Variants in WHAMM observed in about 807,000 individuals in gnomAD.
WHAMM encodes WASP homolog associated with actin, golgi membranes and microtubules.
WHAMM carries 67 observed loss-of-function variants against 76.5 expected under a neutral mutation model. The ratio of observed to expected loss-of-function variants is 0.88; its 90% CI spans 0.72 to 1.07. The LOEUF (loss-of-function observed/expected upper bound fraction) is 1.07. Among genes scored for constraint, WHAMM ranks in the 50% least tolerant of loss-of-function variants. The pLI, the probability that WHAMM is intolerant of heterozygous loss-of-function variation, is 0.00. For synonymous variants in WHAMM, 419 were observed against 422.1 expected, an observed-to-expected ratio of 0.99 and a Z score of 0.09; for missense variants, 1,021 against 1,051.1, an observed-to-expected ratio of 0.97 and a Z score of 0.40.
At position 82,834,660 on chromosome 15, in the gene WHAMM, GTTATT is replaced by G. The variant is rs969843684; in HGVS notation, c.*1128_*1132del. ...CAGAATAAATTGCTTATATTCAGGA[GTTATT>G]TTAAATATTTAAATGAAATTTATTT... On this transcript the variant is annotated 3_prime_UTR_variant, in exon 10 of 10. Coordinates refer to ENST00000286760, the MANE Select transcript of WHAMM (RefSeq NM_001080435.3). 4 of 152,630 alleles carry G rather than the reference GTTATT, an allele frequency of 2.6e-5. No homozygotes were observed. The highest frequency in any genetic ancestry group is 5.9e-5 in the Non-Finnish European group (4 of 68,046). 9.5% of individuals were successfully genotyped at this position (152,630 alleles called of 1,614,324 possible).
Position 82,833,487 on chromosome 15 carries a change from A to C in WHAMM, c.2381A>C (p.Asp794Ala). Residue 794 changes from aspartate to alanine, a missense_variant, in exon 10 of 10, where the codon GAC becomes GCC. Transcript: ENST00000286760. ...ALQRIKRVSA[D>A]SEEDSDEQDP... is the part of the protein sequence containing the mutation. ...CAGAGAATCAAGAGGGTGTCTGCTG[A>C]CTCTGAGGAGGACAGTGATGAGCAG... 6.2e-7 allele frequency: 1 copy of C among 1,613,954 alleles called. No homozygotes were observed. Among genetic ancestry groups the C allele is most frequent in the Non-Finnish European group, 8.5e-7 (1 of 1,179,890 alleles).
rs1019995981 is a variant in WHAMM, at chr15:82,833,646, C to A, written c.*110C>A. On this transcript the variant is annotated 3_prime_UTR_variant, in exon 10 of 10. Coordinates refer to ENST00000286760, the MANE Select transcript of WHAMM (RefSeq NM_001080435.3). ...GTGCTGATAGATGGGCCACATAACA[C>A]CCCGGAAGATCAGCAGGGCCTTGTG... 20 of 1,210,770 alleles carry A rather than the reference C, an allele frequency of 1.7e-5. No individual in the cohort carries two copies. The Admixed American group carries it at 3.8e-4, about 23-fold the overall frequency. The allele number at this position is 1,210,770 out of a possible 1,614,324, so 75.0% of individuals were successfully genotyped here.
chr15:82,822,837 T>C lies in WHAMM; in HGVS notation c.1271-263T>C, dbSNP rs561862668. Among the ~76,000 whole-genome samples the C allele has an allele frequency of 4.0e-3, 601 of 151,862 alleles. 2 individuals are homozygous for C. Among genetic ancestry groups the C allele is most frequent in the African/African-American group, 8.9e-3 (368 of 41,426 alleles). ...GTGTGTGTGTGTGTATATATATATA[T>C]ACACACATATGTCTATATACATGTA... On this transcript the variant is annotated intron_variant, in intron 5 of 9. Coordinates refer to ENST00000286760, the MANE Select transcript of WHAMM (RefSeq NM_001080435.3).
chr15:82,817,593 G>A (rs1354523742), intron 3 of WHAMM, among the ~76,000 whole-genome samples: 1 of 152,114 alleles, frequency 6.6e-6, no homozygotes, highest in African/African-American at 2.4e-5. Flanking sequence ...GCAGAATGAT[G>A]ATCCTGGTTT....
chr15:82,813,307 G>C (rs1202759327), intron 2 of WHAMM, 31 bp downstream of exon 2: 10 of 1,442,504 alleles, frequency 6.9e-6, no homozygotes, highest in African/African-American at 4.4e-5. Flanking sequence ...TACTTTATCA[G>C]ATTTACTATT....
At chr15:82,819,718 G>A (rs1005896541) in intron 5 of WHAMM, among the ~76,000 whole-genome samples, 1 of 152,220 alleles carries the variant, frequency 6.6e-6, no homozygotes, top group Admixed American at 6.5e-5. Flanking sequence ...GGTTGGCTGG[G>A]CACAGTGGCT....
Position 82,826,753 on chromosome 15 carries a change from A to C in WHAMM, c.1548A>C (p.Lys516Asn). ...AATATACATTTGTTTAAATATAGAA[A>C]AGAGACAAGATAAAAGAAGAGGAGC... ...YSRQHHSIQM[K>N]RDKIKEEEQK... is the part of the protein sequence containing the mutation. Residue 516 changes from lysine to asparagine, a missense_variant and splice_region_variant, in exon 8 of 10, where the codon AAA becomes AAC. Lys to Asn is a moderately conservative substitution (Grantham distance 94). This residue lies in a region of WHAMM where 509 missense variants were observed against 492.3 expected (regional missense o/e 1.03). Coordinates refer to ENST00000286760, the MANE Select transcript of WHAMM (RefSeq NM_001080435.3). 6.5e-7 allele frequency: 1 copy of C among 1,542,328 alleles called. No homozygotes were observed. The highest frequency in any genetic ancestry group is 8.7e-7 in the Non-Finnish European group (1 of 1,144,978).
intron 4 of WHAMM, 22 bp from the exon 5 acceptor site, chr15:82,819,301 T>G: frequency 1.0e-6 from 1 of 960,582 alleles, no homozygotes; most frequent in Non-Finnish European, 1.4e-6. Context: ...TAACTTATTT[T>G]TCTTTTTTCT....
At chr15:82,815,011 C>T (rs1270522145) in intron 2 of WHAMM, among the ~76,000 whole-genome samples, 1 of 148,146 alleles carries the variant, frequency 6.8e-6, no homozygotes, top group Admixed American at 6.7e-5. Context: ...ACCTCGTGAT[C>T]CGCCCGTCTC....
chr15:82,830,602 C>T lies in WHAMM; in HGVS notation c.1645C>T (p.Arg549Cys), dbSNP rs142422388. The T allele has an allele frequency of 1.1e-3, 1,722 of 1,606,166 alleles. 1 individual carries two copies. The highest frequency in any genetic ancestry group is 1.6e-3 in the South Asian group (149 of 90,972). Residue 549 changes from arginine (R) to cysteine (C), a missense_variant, in exon 9 of 10, where the codon CGC becomes TGC. Coordinates refer to ENST00000286760, the MANE Select transcript of WHAMM (RefSeq NM_001080435.3). ...CACCATGGTTTTTCATTTTCAGAAA[C>T]GCCTAGCTCAATCTGTCCGAAACAC... is the stretch of plus-strand genomic sequence containing the variant. ...LQRLRSFKDK[R>C]LAQSVRNTSG...
At chr15:82,823,698 T>A (rs1441797426) in intron 6 of WHAMM, among the ~76,000 whole-genome samples, 1 of 152,188 alleles carries the variant, frequency 6.6e-6, no homozygotes, top group African/African-American at 2.4e-5. Context: ...GCCAAGTAGC[T>A]GGGTTTACAG....
chr15:82,818,129 C>G (rs2151562062), intron 4 of WHAMM, 40 bp downstream of exon 4: 2 of 1,508,126 alleles, frequency 1.3e-6, no homozygotes, highest in East Asian at 5.0e-5. Context: ...TAAAAATACA[C>G]TTTTATTTTT....
At chr15:82,832,336 T>C (rs2051044186) in intron 9 of WHAMM, among the ~76,000 whole-genome samples, 1 of 152,206 alleles carries the variant, frequency 6.6e-6, no homozygotes, top group Non-Finnish European at 1.5e-5. Context: ...AAAATAGCCT[T>C]TTGTTAGCCA....
chr15:82,817,077 T>TG (rs773617423), intron 3 of WHAMM, among the ~76,000 whole-genome samples: 13 of 152,152 alleles, frequency 8.5e-5, no homozygotes, highest in Non-Finnish European at 1.3e-4. Context: ...AAGAGAGACA[T>TG]GGGCTCTGAG....
rs12903359 is a variant in WHAMM, at chr15:82,834,035, A to G, written c.*499A>G. 75,946 of 152,140 alleles carry G rather than the reference A, an allele frequency of 0.5. 19,669 individuals are homozygous for G. Among genetic ancestry groups the G allele is most frequent in the Non-Finnish European group, 0.57 (38,980 of 68,906 alleles). The allele number at this position is 152,140 out of a possible 1,614,324, so 9.4% of individuals were successfully genotyped here. A position where few individuals can be genotyped will look rare whatever the true frequency, so the allele number is the denominator to read the frequency against. On this transcript the variant is annotated 3_prime_UTR_variant, in exon 10 of 10. Transcript: ENST00000286760. ...ATTACAGGTGTGAGCCACCACGCCC[A>G]GCCTTTTTTTTTTCTTTCTTTTGAG...
In WHAMM at chr15:82,833,565, A is replaced by G; in HGVS notation, c.*29A>G. On this transcript the variant is annotated 3_prime_UTR_variant, in exon 10 of 10. Coordinates refer to ENST00000286760, the MANE Select transcript of WHAMM (RefSeq NM_001080435.3). ...CAAGTTTGACAAAGGCACCTGCCAC[A>G]GTAGGCTTGAATAAAGTGGGTGAGT... The G allele has an allele frequency of 6.2e-7, 1 of 1,606,438 alleles. No homozygotes were observed. Among genetic ancestry groups the G allele is most frequent in the Non-Finnish European group, 8.5e-7 (1 of 1,177,070 alleles).
chr15:82,833,795 A>T lies in WHAMM; in HGVS notation c.*259A>T. On this transcript the variant is annotated 3_prime_UTR_variant, in exon 10 of 10. Transcript: ENST00000286760. ...AGCTCCGCTTCCCAGGCTGGGGTGC[A>T]GTGGTGCGATCTTGGCTCACTGCAA... is the stretch of plus-strand genomic sequence containing the variant. The T allele has an allele frequency of 4.5e-6, 2 of 448,580 alleles. No homozygotes were observed. Among genetic ancestry groups the T allele is most frequent in the East Asian group, 8.2e-5 (2 of 24,538 alleles). 27.8% of individuals were successfully genotyped at this position (448,580 alleles called of 1,614,324 possible).
In WHAMM at chr15:82,817,998, A is replaced by C. The variant is rs1473908968; in HGVS notation, c.1013A>C (p.Lys338Thr). 1 of 1,549,006 alleles carries C rather than the reference A, an allele frequency of 6.5e-7. No homozygotes were observed. Among genetic ancestry groups the C allele is most frequent in the Non-Finnish European group, 8.7e-7 (1 of 1,146,348 alleles). ...GCCACAGCAATTCCCAGGTTGGAAA[A>C]ACTTCAGCTAATGCTAGCTCGAGAG... ...AWATAIPRLE[K>T]LQLMLARETL... Residue 338 changes from lysine to threonine, a missense_variant, in exon 4 of 10, where the codon AAA (lysine) becomes ACA (threonine). Lys to Thr is a moderately conservative substitution (Grantham distance 78, BLOSUM62 -1). This residue lies in a region of WHAMM where 501 missense variants were observed against 524.9 expected (regional missense o/e 0.95). Coordinates refer to ENST00000286760, the MANE Select transcript of WHAMM (RefSeq NM_001080435.3).
chr15:82,827,999 A>T (rs1427273537), intron 8 of WHAMM, among the ~76,000 whole-genome samples: 3 of 152,174 alleles, frequency 2.0e-5, no homozygotes, highest in Non-Finnish European at 4.4e-5. Context: ...GAATTTACTG[A>T]CTGTAAAACA....
Sources: allele counts gnomAD v4.1 joint callset (sites outside exome capture counted in the v4.1 genomes callset), GRCh38; gene constraint gnomAD v4.1.1; regional missense constraint gnomAD v4.1.1; transcripts MANE v1.5; gene names NCBI Gene and HGNC (gene_info 2026-07-23, HGNC 2026-07-21).